The following TTC4 variants were observed in gnomAD, a reference collection of about 807,000 sequenced individuals.
TTC4 encodes the protein tetratricopeptide repeat domain 4, also known as hsp70/Hsp90 co-chaperone CNS1 homolog.
Under a neutral mutation model 51.9 loss-of-function variants are expected in TTC4, and 36 were observed. That is an observed-to-expected ratio of 0.69 (90% CI 0.53 to 0.92). The LOEUF (loss-of-function observed/expected upper bound fraction) is 0.92. Among genes scored for constraint, TTC4 ranks in the 40% least tolerant of loss-of-function variants. The probability of loss-of-function intolerance (pLI) is 0.00; values close to 1 mark genes in which losing one functional copy is unlikely to be tolerated. For synonymous variants in TTC4, 144 were observed against 164.2 expected, an observed-to-expected ratio of 0.88 and a Z score of 0.94; for missense variants, 399 against 454.6, an observed-to-expected ratio of 0.88 and a Z score of 1.11.
intron 6 of TTC4, 93 bp downstream of exon 6, chr1:54,728,525 A>T: frequency 2.4e-6 from 3 of 1,260,454 alleles, no homozygotes; most frequent in Non-Finnish European, 3.3e-6. Context: ...CTTTACCTGA[A>T]GGAATTTGTT....
intron 4 of TTC4, among the ~76,000 whole-genome samples, chr1:54,722,129 ATTTTT>A (rs11443027): frequency 6.8e-6 from 1 of 147,008 alleles, no homozygotes; most frequent in Non-Finnish European, 1.5e-5. Context: ...ATAACATGAA[ATTTTT>A]TTTTTTTTTT....
Position 54,731,703 on chromosome 1 carries a change from A to G in TTC4, c.896+3A>G, listed in dbSNP as rs1645867610. On this transcript the variant is annotated splice_donor_region_variant and intron_variant, in intron 7 of 9. Transcript: ENST00000371281. ...TCTGCTTTTCATGAGGACTCCAGGT[A>G]CTGACTTGCCCAGGAGCCCTCTGCT... 6.2e-7 allele frequency: 1 copy of G among 1,613,382 alleles called. No individual in the cohort carries two copies. The highest frequency in any genetic ancestry group is 8.5e-7 in the Non-Finnish European group (1 of 1,179,722).
chr1:54,739,170 C>G (rs1249169434), intron 9 of TTC4, among the ~76,000 whole-genome samples: 1 of 151,916 alleles, frequency 6.6e-6, no homozygotes, highest in Non-Finnish European at 1.5e-5. Context: ...CCACACCCAG[C>G]CCCTAAAATT....
At chr1:54,716,499 T>A in intron 1 of TTC4, 101 bp from the exon 2 acceptor site, 1 of 861,414 alleles carries the variant, frequency 1.2e-6, no homozygotes, top group Non-Finnish European at 1.8e-6. Context: ...TGTGATGATT[T>A]GCAAATCATG....
At chr1:54,732,016 T>A (rs1200422489) in intron 7 of TTC4, among the ~76,000 whole-genome samples, 2 of 152,066 alleles carry the variant, frequency 1.3e-5, no homozygotes, top group Admixed American at 1.3e-4. Flanking sequence ...GCATAGCAAT[T>A]TAAGTGAATA....
intron 9 of TTC4, among the ~76,000 whole-genome samples, chr1:54,738,844 G>C (rs540984530): frequency 6.6e-6 from 1 of 151,734 alleles, no homozygotes; most frequent in Admixed American, 6.6e-5. Flanking sequence ...TGTATTTTTA[G>C]TAGAGACGGG....
Position 54,717,570 on chromosome 1 carries a change from C to T in TTC4, c.308C>T (p.Thr103Ile), listed in dbSNP as rs778186022. The change falls in exon 3 of 10, where the codon ACT (threonine) becomes ATT (isoleucine). Residue 103 changes from threonine to isoleucine, a missense_variant. This residue lies in a region of TTC4 where 316 missense variants were observed against 349.6 expected (regional missense o/e 0.90). Transcript: ENST00000371281. Reference protein sequence around the residue: ...KDYKKAVISYTEGLKKKCADP... With the variant: ...KDYKKAVISYIEGLKKKCADP... ...TACAAGAAAGCTGTAATTTCATACA[C>T]TGAAGGCTTAAAGAAGAAATGTGCA... 2.5e-6 allele frequency: 4 copies of T among 1,611,930 alleles called. No individual in the cohort carries two copies. Among genetic ancestry groups the T allele is most frequent in the Non-Finnish European group, 3.4e-6 (4 of 1,179,204 alleles).
chr1:54,736,175 G>GGAGAGAGAGAGAGAGAGAGAGAGAGAGA (rs11292044), intron 8 of TTC4, among the ~76,000 whole-genome samples: 1 of 100,664 alleles, frequency 9.9e-6, no homozygotes, highest in Admixed American at 1.0e-4. Context: ...AAGAAAGAAA[G>GGAGAGAGAGAGAGAGAGAGAGAGAGAGA]GAGAGAGAGA....
At chr1:54,739,780 C>T (rs1645989829) in intron 9 of TTC4, among the ~76,000 whole-genome samples, 1 of 152,190 alleles carries the variant, frequency 6.6e-6, no homozygotes, top group Non-Finnish European at 1.5e-5. Flanking sequence ...GGCTAGAAAG[C>T]TAAGTTAGGG....
chr1:54,722,825 G>A (rs1286729848), intron 5 of TTC4, 26 bp downstream of exon 5: 1 of 1,565,396 alleles, frequency 6.4e-7, no homozygotes, highest in African/African-American at 1.3e-5. Context: ...CAACCAATTA[G>A]CATTTGCTAA....
At chr1:54,726,703 C>T (rs1645803574) in intron 5 of TTC4, among the ~76,000 whole-genome samples, 1 of 152,198 alleles carries the variant, frequency 6.6e-6, no homozygotes, top group African/African-American at 2.4e-5. Context: ...AATAGGAAGA[C>T]ATCCCATGTT....
chr1:54,739,209 CAG>C (rs1645983641), intron 9 of TTC4, among the ~76,000 whole-genome samples: 1 of 151,740 alleles, frequency 6.6e-6, no homozygotes, highest in South Asian at 2.1e-4. Context: ...ATAATAGAGA[CAG>C]GGTATCTTCT....
At chr1:54,732,034 GA>G (rs1032631612) in intron 7 of TTC4, among the ~76,000 whole-genome samples, 1 of 150,898 alleles carries the variant, frequency 6.6e-6, no homozygotes, top group Non-Finnish European at 1.5e-5. Context: ...ATATTAATTA[GA>G]AAAAAAAATA....
At chr1:54,721,458 AAAAT>A (rs1341866975) in intron 4 of TTC4, among the ~76,000 whole-genome samples, 3 of 152,240 alleles carry the variant, frequency 2.0e-5, no homozygotes, top group Non-Finnish European at 4.4e-5. Flanking sequence ...AAATTAATAA[AAAAT>A]AAAATTAATT....
At chr1:54,734,583 T>G (rs1645912321) in intron 8 of TTC4, among the ~76,000 whole-genome samples, 1 of 151,544 alleles carries the variant, frequency 6.6e-6, no homozygotes, top group African/African-American at 2.4e-5. Context: ...AGAGATGGGG[T>G]TTTGCTATGT....
intron 3 of TTC4, among the ~76,000 whole-genome samples, chr1:54,720,077 T>A (rs1021101674): frequency 2.0e-5 from 3 of 152,156 alleles, no homozygotes; most frequent in East Asian, 1.9e-4. Context: ...TTTTAAAAAA[T>A]TTTTTGTAGA....
chr1:54,717,756 A>C, intron 3 of TTC4, 103 bp downstream of exon 3: 1 of 1,099,670 alleles, frequency 9.1e-7, no homozygotes, highest in Non-Finnish European at 1.2e-6. Context: ...GTTATCCCAG[A>C]AACCCAGACT....
At position 54,741,539 on chromosome 1, in the gene TTC4, C is replaced by T; in HGVS notation, c.*26C>T. On this transcript the variant is annotated 3_prime_UTR_variant, in exon 10 of 10. Coordinates refer to ENST00000371281, the MANE Select transcript of TTC4 (RefSeq NM_004623.5). Reference sequence around the variant, plus strand: ...CTAAGCCAGGGCCCCTGGATCTCCTCCCTTACCCTCCTCTGCTGGGAACCT... The same window carrying T: ...CTAAGCCAGGGCCCCTGGATCTCCTTCCTTACCCTCCTCTGCTGGGAACCT... The T allele has an allele frequency of 1.3e-6, 2 of 1,578,098 alleles. No homozygotes were observed. The highest frequency in any genetic ancestry group is 3.5e-4 in the Middle Eastern group (2 of 5,780).
intron 9 of TTC4, among the ~76,000 whole-genome samples, chr1:54,738,254 G>A (rs748763669): frequency 3.9e-5 from 6 of 151,994 alleles, no homozygotes; most frequent in Non-Finnish European, 7.4e-5. Context: ...TCGCTATCAC[G>A]AGAACAGCAC....
Sources: gnomAD v4.1 joint callset for allele counts (sites outside exome capture counted in the v4.1 genomes callset) on GRCh38, gnomAD v4.1.1 for gene constraint, gnomAD v4.1.1 regional missense constraint, MANE v1.5 for transcripts, NCBI Gene and HGNC (gene_info 2026-07-23, HGNC 2026-07-21) for gene names.